The following RELN variants were observed in gnomAD, a reference collection of about 807,000 sequenced individuals.
RELN encodes the protein reelin.
In RELN, 108 loss-of-function variants were observed where a neutral mutation model predicts 427.6. That is an observed-to-expected ratio of 0.25 (90% CI 0.22 to 0.30). The LOEUF is 0.30. Among genes scored for constraint, RELN ranks in the 10% least tolerant of loss-of-function variants. RELN has a pLI of 1.00. For synonymous variants in RELN, 1,524 were observed against 1,513.4 expected, an observed-to-expected ratio of 1.01 and a Z score of -0.16; for missense variants, 3,715 against 4,302.8, an observed-to-expected ratio of 0.86 and a Z score of 3.82.
intron 47 of RELN, 61 bp from the exon 48 acceptor site, chr7:103,522,260 C>A (rs918216441): frequency 4.6e-6 from 7 of 1,535,104 alleles, no homozygotes; most frequent in Non-Finnish European, 6.3e-6. Context: ...CAAGCTTGTT[C>A]TCAAATTAGT....
At chr7:103,739,017 C>T (rs193158932) in intron 6 of RELN, among the ~76,000 whole-genome samples, 12 of 152,236 alleles carry the variant, frequency 7.9e-5, no homozygotes, top group African/African-American at 2.9e-4. Flanking sequence ...TTTTGAGATT[C>T]ATCCATGTTG....
chr7:103,984,111 G>A (rs1421175896), intron 1 of RELN, among the ~76,000 whole-genome samples: 6 of 151,174 alleles, frequency 4.0e-5, no homozygotes, highest in African/African-American at 1.5e-4. Flanking sequence ...GATGGAGTAA[G>A]GCTTCTAGTT....
Position 103,640,918 on chromosome 7 carries a change from G to A in RELN, c.2003-309C>T, listed in dbSNP as rs1832682901. Among the ~76,000 whole-genome samples the A allele has an allele frequency of 6.6e-6, 1 of 152,002 alleles. No homozygotes were observed. Among genetic ancestry groups the A allele is most frequent in the Non-Finnish European group, 1.5e-5 (1 of 67,998 alleles). On this transcript the variant is annotated intron_variant, in intron 16 of 64. Coordinates refer to ENST00000428762, the MANE Select transcript of RELN (RefSeq NM_005045.4). This position sits in a 1 kb window ranked among gnomAD's most constrained non-coding sequence, Gnocchi z 4.1. ...GCTTCTGCCTTGAACATTCTACAAA[G>A]TTTATTTTCATTAGGTAGAAAAAAA...
intron 2 of RELN, among the ~76,000 whole-genome samples, chr7:103,888,850 G>A (rs530064214): frequency 1.6e-4 from 25 of 152,252 alleles, no homozygotes; most frequent in African/African-American, 5.5e-4. Flanking sequence ...GCAGCACTCC[G>A]TTTCCCAGAT....
chr7:103,508,858 A>G (rs893043740), intron 51 of RELN, among the ~76,000 whole-genome samples: 3 of 144,686 alleles, frequency 2.1e-5, no homozygotes, highest in Non-Finnish European at 1.5e-5. Flanking sequence ...CTGTACACCA[A>G]TAACAGAGAG....
intron 1 of RELN, among the ~76,000 whole-genome samples, chr7:103,935,811 G>A (rs778336297): frequency 6.6e-6 from 1 of 152,144 alleles, no homozygotes; most frequent in Non-Finnish European, 1.5e-5. Flanking sequence ...ATAAGTCTGT[G>A]CCCCTGACCT....
intron 53 of RELN, among the ~76,000 whole-genome samples, chr7:103,499,548 T>TTCTA (rs142854271): frequency 0.012 from 1,790 of 152,200 alleles, 28 homozygotes; most frequent in African/African-American, 0.041. Context: ...TTAAGGAGAG[T>TTCTA]TCTATCTTAC....
chr7:103,936,350 C>T (rs1795984469), intron 1 of RELN, among the ~76,000 whole-genome samples: 1 of 152,140 alleles, frequency 6.6e-6, no homozygotes, highest in Non-Finnish European at 1.5e-5. Context: ...GTCTCAGCCT[C>T]CCAAAGTGAT....
chr7:103,636,200 G>T lies in RELN; in HGVS notation c.2303+35C>A, dbSNP rs752751115. 5 of 1,353,380 alleles carry T rather than the reference G, an allele frequency of 3.7e-6. No individual in the cohort carries two copies. In the Admixed American group the frequency reaches 6.9e-5, roughly 19 times the overall value. The allele number at this position is 1,353,380 out of a possible 1,614,324, so 83.8% of individuals were successfully genotyped here. Reference sequence around the variant, plus strand: ...ATAACTAAATTCAACATTAGTATCTGGTTTTTGTATGTATTCTACCCTGCC... The same window carrying T: ...ATAACTAAATTCAACATTAGTATCTTGTTTTTGTATGTATTCTACCCTGCC... On this transcript the variant is annotated intron_variant, in intron 18 of 64. Coordinates refer to ENST00000428762, the MANE Select transcript of RELN (RefSeq NM_005045.4).
At chr7:103,800,747 A>T (rs1317913699) in intron 3 of RELN, among the ~76,000 whole-genome samples, 2 of 152,192 alleles carry the variant, frequency 1.3e-5, no homozygotes, top group Non-Finnish European at 2.9e-5. Context: ...AATTAAAGTG[A>T]AGAGCTTCTG....
chr7:103,604,783 GA>G (rs1310144177), intron 22 of RELN, among the ~76,000 whole-genome samples: 1 of 149,898 alleles, frequency 6.7e-6, no homozygotes, highest in Non-Finnish European at 1.5e-5. Flanking sequence ...AAAGTACTAA[GA>G]AAGAACATTA....
intron 25 of RELN, among the ~76,000 whole-genome samples, chr7:103,595,674 CTT>C (rs1295193263): frequency 2.0e-5 from 3 of 151,734 alleles, no homozygotes; most frequent in African/African-American, 7.3e-5. Context: ...TATATTAAAA[CTT>C]AATAGTAGTC....
At chr7:103,830,097 A>G (rs1464970139) in intron 3 of RELN, among the ~76,000 whole-genome samples, 1 of 152,106 alleles carries the variant, frequency 6.6e-6, no homozygotes, top group African/African-American at 2.4e-5. Flanking sequence ...GTAGGATGCC[A>G]TCAAATGTAA....
intron 2 of RELN, among the ~76,000 whole-genome samples, chr7:103,843,376 A>C (rs1454320247): frequency 1.3e-5 from 2 of 152,096 alleles, no homozygotes. Flanking sequence ...AGTAAGACTC[A>C]GTAGATTTAA....
At chr7:103,566,006 C>T (rs1317772566) in intron 33 of RELN, among the ~76,000 whole-genome samples, 1 of 151,998 alleles carries the variant, frequency 6.6e-6, no homozygotes, top group Non-Finnish European at 1.5e-5. Flanking sequence ...AAACCTTACT[C>T]ATATCATTCA....
intron 1 of RELN, among the ~76,000 whole-genome samples, chr7:103,952,626 T>C (rs1796356632): frequency 6.6e-6 from 1 of 152,252 alleles, no homozygotes; most frequent in Admixed American, 6.5e-5. Context: ...AATGTGTCAC[T>C]GCAAATGATC....
chr7:103,723,243 G>C (rs567273313), intron 7 of RELN, 52 bp from the exon 8 acceptor site: 1 of 1,123,226 alleles, frequency 8.9e-7, no homozygotes, highest in African/African-American at 1.5e-5. Context: ...GGAGAAAGAG[G>C]AGAAAGATGC....
At chr7:103,679,995 C>A (rs185645432) in intron 11 of RELN, among the ~76,000 whole-genome samples, 20 of 152,244 alleles carry the variant, frequency 1.3e-4, no homozygotes, top group African/African-American at 4.3e-4. Context: ...TAAGGCATTT[C>A]TTGTGTCCTT....
intron 28 of RELN, among the ~76,000 whole-genome samples, chr7:103,576,189 C>T: frequency 6.6e-6 from 1 of 152,150 alleles, no homozygotes; most frequent in Middle Eastern, 3.2e-3. Flanking sequence ...TGGGATCGCA[C>T]CTTTGCACTC....
Sources: gnomAD v4.1 joint callset for allele counts (sites outside exome capture counted in the v4.1 genomes callset) on GRCh38, gnomAD v4.1.1 for gene constraint, Gnocchi (gnomAD v3.1) non-coding constraint, MANE v1.5 for transcripts, NCBI Gene and HGNC (gene_info 2026-07-23, HGNC 2026-07-21) for gene names.